PDAP1: variants seen among roughly 807,000 people sequenced by gnomAD.
The protein encoded by PDAP1 is PDGFA associated protein 1, also known as 28 kDa heat- and acid-stable phosphoprotein.
A neutral mutation model predicts 28.0 loss-of-function variants in PDAP1; 13 were observed. The ratio of observed to expected loss-of-function variants is 0.46; its 90% confidence interval spans 0.30 to 0.74. The LOEUF (loss-of-function observed/expected upper bound fraction) is 0.74, where lower values mean the gene tolerates loss of function less well. Ranked by LOEUF, PDAP1 falls within the 30% of genes least tolerant of loss-of-function variation. The pLI is 0.07. For missense variants in PDAP1, 150 were observed against 230.0 expected (o/e 0.65, Z 2.25); for synonymous variants, 77 against 85.1 (o/e 0.91, Z 0.52).
intron 4 of PDAP1, among the ~76,000 whole-genome samples, chr7:99,399,424 G>C (rs924534876): frequency 6.7e-6 from 1 of 150,374 alleles, no homozygotes; most frequent in Non-Finnish European, 1.5e-5. Context: ...ACAGAAGGAG[G>C]GAGCAACAGG....
intron 4 of PDAP1, among the ~76,000 whole-genome samples, chr7:99,398,687 G>C (rs1794809024): frequency 6.6e-6 from 1 of 152,170 alleles, no homozygotes; most frequent in Admixed American, 6.5e-5. Context: ...CTGGGTGACA[G>C]AGTGAAATCC....
At chr7:99,398,037 G>A in intron 4 of PDAP1, 24 bp from the exon 5 acceptor site, 3 of 1,612,826 alleles carry the variant, frequency 1.9e-6, no homozygotes, top group Middle Eastern at 3.3e-4. Context: ...ATGGTGTCAT[G>A]GGGACATCTT....
At chr7:99,401,204 C>T (rs1794859642) in intron 3 of PDAP1, among the ~76,000 whole-genome samples, 1 of 152,204 alleles carries the variant, frequency 6.6e-6, no homozygotes, top group Admixed American at 6.5e-5. Flanking sequence ...TCATCCTTTA[C>T]CCAACCGGAC....
At chr7:99,405,867 T>C (rs1794962050) in intron 1 of PDAP1, among the ~76,000 whole-genome samples, 1 of 152,226 alleles carries the variant, frequency 6.6e-6, no homozygotes, top group Non-Finnish European at 1.5e-5. Context: ...TCTGTGTCCC[T>C]ACCTTACAGG....
chr7:99,399,606 C>G (rs1471680074), intron 4 of PDAP1, among the ~76,000 whole-genome samples: 1 of 152,168 alleles, frequency 6.6e-6, no homozygotes, highest in African/African-American at 2.4e-5. Flanking sequence ...TTAGCAGCTG[C>G]AATCACACCC....
In PDAP1 at chr7:99,405,118, G is replaced by A. The variant is rs188619450; in HGVS notation, c.14-165C>T. ...GCCACCCTCATGTGTTCAAAGGCAC[G>A]CAGGAAGCAACTCGTGACCATCTGA... On this transcript the variant is annotated intron_variant, in intron 1 of 5. Transcript: ENST00000350498. Among the ~76,000 whole-genome samples, 17 of 152,228 alleles carry A rather than the reference G, an allele frequency of 1.1e-4. No homozygotes were observed. The East Asian group carries it at 2.1e-3, about 19-fold the overall frequency.
At chr7:99,408,239 G>A (rs1304154487) in intron 1 of PDAP1, among the ~76,000 whole-genome samples, 1 of 152,098 alleles carries the variant, frequency 6.6e-6, no homozygotes, top group African/African-American at 2.4e-5. Flanking sequence ...CAAAGAGTGG[G>A]ATAAATTCCA....
At chr7:99,397,836 C>A in intron 5 of PDAP1, 26 bp downstream of exon 5, 1 of 1,609,128 alleles carries the variant, frequency 6.2e-7, no homozygotes, top group Non-Finnish European at 8.5e-7. Context: ...TGGGGCCTGT[C>A]CCTGCGTGCG....
Position 99,396,645 on chromosome 7 carries a change from G to C in PDAP1, c.*37C>G, listed in dbSNP as rs201486247. 33 of 1,567,312 alleles carry C rather than the reference G, an allele frequency of 2.1e-5. No homozygotes were observed. The highest frequency in any genetic ancestry group is 2.7e-5 in the Non-Finnish European group (31 of 1,139,118). On this transcript the variant is annotated 3_prime_UTR_variant, in exon 6 of 6. Transcript: ENST00000350498. ...GACACAGCAGAGGTCCTGGCAGCGCGGCCCAGGTCCCCGGCATCTCCTCCC... is the reference window on the plus strand; with the variant it reads ...GACACAGCAGAGGTCCTGGCAGCGCCGCCCAGGTCCCCGGCATCTCCTCCC...
Position 99,400,295 on chromosome 7 carries a change from G to A in PDAP1, c.335+8C>T. 6.2e-7 allele frequency: 1 copy of A among 1,613,272 alleles called. No homozygotes were observed. The highest frequency in any genetic ancestry group is 1.1e-5 in the South Asian group (1 of 91,034). On this transcript the variant is annotated splice_region_variant and intron_variant, in intron 4 of 5. Coordinates refer to ENST00000350498, the MANE Select transcript of PDAP1 (RefSeq NM_014891.7). Reference sequence around the variant, plus strand: ...CCCCGTGACACAAGGCCCAGCCAGTGATGTTACCGTTCTCTCCTCGAAAGC... The same window carrying A: ...CCCCGTGACACAAGGCCCAGCCAGTAATGTTACCGTTCTCTCCTCGAAAGC...
chr7:99,401,289 A>G (rs987529667), intron 3 of PDAP1, among the ~76,000 whole-genome samples: 1 of 151,564 alleles, frequency 6.6e-6, no homozygotes, highest in Non-Finnish European at 1.5e-5. Context: ...AAATTTGTCC[A>G]CTCTTCTCCA....
Position 99,408,573 on chromosome 7 carries a change from G to A in PDAP1, c.-25C>T. On this transcript the variant is annotated 5_prime_UTR_variant, in exon 1 of 6. Coordinates refer to ENST00000350498, the MANE Select transcript of PDAP1 (RefSeq NM_014891.7). ...TTGCGGCTCCGGCGGCTGCGGCGGCGGCGGCGGCGCCTCGAACTGACACCG... is the reference window on the plus strand; with the variant it reads ...TTGCGGCTCCGGCGGCTGCGGCGGCAGCGGCGGCGCCTCGAACTGACACCG... The A allele has an allele frequency of 2.4e-6, 3 of 1,270,902 alleles. No homozygotes were observed. Among genetic ancestry groups the A allele is most frequent in the Non-Finnish European group, 3.0e-6 (3 of 1,006,222 alleles). 78.7% of individuals were successfully genotyped at this position (1,270,902 alleles called of 1,614,324 possible). A position where few individuals can be genotyped will look rare whatever the true frequency, so the allele number is the denominator to read the frequency against.
At position 99,397,995 on chromosome 7, in the gene PDAP1, C is replaced by A. The variant is rs144679421; in HGVS notation, c.354G>T (p.Gln118His). ...SRREREEIEK[Q>H]KAKERYMKMH... ...TTTTCATGTAACGCTCTTTTGCCTT[C>A]TGCTTCTCAATCTCTTCTCTGTGTG... Residue 118 changes from glutamine to histidine, a missense_variant, in exon 5 of 6, where the codon CAG becomes CAT. Gln to His is a conservative substitution (Grantham distance 24). Transcript: ENST00000350498. The A allele has an allele frequency of 6.2e-7, 1 of 1,614,244 alleles. No homozygotes were observed. The highest frequency in any genetic ancestry group is 1.3e-5 in the African/African-American group (1 of 75,074).
In PDAP1 at chr7:99,396,244, G is replaced by A. The variant is rs73711207; in HGVS notation, c.*438C>T. On this transcript the variant is annotated 3_prime_UTR_variant, in exon 6 of 6. Coordinates refer to ENST00000350498, the MANE Select transcript of PDAP1 (RefSeq NM_014891.7). ...CAGGGGCACAGGCTCCCAGATGATAGCCCCTCTCTGAATGAGCACCCAGGC... is the reference window on the plus strand; with the variant it reads ...CAGGGGCACAGGCTCCCAGATGATAACCCCTCTCTGAATGAGCACCCAGGC... The A allele has an allele frequency of 0.014, 3,432 of 248,402 alleles. 91 individuals carry two copies. The highest frequency in any genetic ancestry group is 0.072 in the African/African-American group (3,067 of 42,344). 15.4% of individuals were successfully genotyped at this position (248,402 alleles called of 1,614,324 possible). A position where few individuals can be genotyped will look rare whatever the true frequency, so the allele number is the denominator to read the frequency against.
intron 2 of PDAP1, among the ~76,000 whole-genome samples, 165 bp downstream of exon 2, chr7:99,404,697 G>A (rs1289130015): frequency 1.3e-5 from 2 of 152,202 alleles, no homozygotes; most frequent in East Asian, 3.8e-4. Flanking sequence ...CGCCCTGACT[G>A]TCATTGGTTG....
intron 5 of PDAP1, among the ~76,000 whole-genome samples, chr7:99,397,218 C>T (rs1220902907): frequency 6.6e-6 from 1 of 152,152 alleles, no homozygotes; most frequent in East Asian, 1.9e-4. Flanking sequence ...CCTTTCCAGG[C>T]CTGCTTCCTC....
chr7:99,394,926 T>A lies in PDAP1; in HGVS notation c.*1756A>T. The A allele has an allele frequency of 1.3e-6, 1 of 758,878 alleles. No individual in the cohort carries two copies. The highest frequency in any genetic ancestry group is 1.7e-6 in the Non-Finnish European group (1 of 571,918). 47.0% of individuals were successfully genotyped at this position (758,878 alleles called of 1,614,324 possible). A position where few individuals can be genotyped will look rare whatever the true frequency, so the allele number is the denominator to read the frequency against. On this transcript the variant is annotated 3_prime_UTR_variant, in exon 6 of 6. Transcript: ENST00000350498. ...AATCCTTCTGCCTCAGCCTCCCAAGTAGCTGGGACTCCAGGGAGAGATTGG... is the reference window on the plus strand; with the variant it reads ...AATCCTTCTGCCTCAGCCTCCCAAGAAGCTGGGACTCCAGGGAGAGATTGG...
intron 2 of PDAP1, 79 bp from the exon 3 acceptor site, chr7:99,403,584 C>G: frequency 1.1e-6 from 1 of 928,670 alleles, no homozygotes; most frequent in Non-Finnish European, 1.8e-6. Flanking sequence ...ACCCCCCAGA[C>G]TGTGGATCTT....
At chr7:99,405,101 C>T in intron 1 of PDAP1, 148 bp from the exon 2 acceptor site, 1 of 608,896 alleles carries the variant, frequency 1.6e-6, no homozygotes. Flanking sequence ...CCGCCACCCT[C>T]ATGTGTTCAA....
Sources: allele counts gnomAD v4.1 joint callset (sites outside exome capture counted in the v4.1 genomes callset), GRCh38; gene constraint gnomAD v4.1.1; transcripts MANE v1.5; gene names NCBI Gene and HGNC (gene_info 2026-07-23, HGNC 2026-07-21).